VAC14: variants seen among roughly 807,000 people sequenced by gnomAD.
The protein encoded by VAC14 is VAC14 component of PIKFYVE complex, also known as protein VAC14 homolog.
A neutral mutation model predicts 85.3 loss-of-function variants in VAC14; 47 were observed. The ratio of observed to expected loss-of-function variants is 0.55; its 90% CI spans 0.44 to 0.70. The LOEUF (loss-of-function observed/expected upper bound fraction) is 0.70. VAC14 is among the 30% of genes least tolerant of loss of function. VAC14 has a pLI of 0.00. For synonymous variants in VAC14, 447 were observed against 430.5 expected, an observed-to-expected ratio of 1.04 and a Z score of -0.47; for missense variants, 861 against 1,004.3, an observed-to-expected ratio of 0.86 and a Z score of 1.93.
At chr16:70,767,157 G>A (rs780921498) in intron 10 of VAC14, among the ~76,000 whole-genome samples, 19 of 152,098 alleles carry the variant, frequency 1.2e-4, no homozygotes, top group Admixed American at 3.9e-4. Context: ...ACACATACGC[G>A]TACTACAGTT....
At position 70,687,823 on chromosome 16, in the gene VAC14, CCAGCCCTGGTCCTGA is replaced by C; in HGVS notation, c.*90_*104del. 1 of 1,260,166 alleles carries C rather than the reference CCAGCCCTGGTCCTGA, an allele frequency of 7.9e-7. No homozygotes were observed. Among genetic ancestry groups the C allele is most frequent in the Middle Eastern group, 3.0e-4 (1 of 3,342 alleles). The allele number at this position is 1,260,166 out of a possible 1,614,324, so 78.1% of individuals were successfully genotyped here. A position where few individuals can be genotyped will look rare whatever the true frequency, so the allele number is the denominator to read the frequency against. On this transcript the variant is annotated 3_prime_UTR_variant, in exon 19 of 19. Coordinates refer to ENST00000261776, the MANE Select transcript of VAC14 (RefSeq NM_018052.5). Reference sequence around the variant, plus strand: ...CCAACACTGCCCTGGGTTGGCAGGCCCAGCCCTGGTCCTGACAGGCAGGTCCTTGAGCTCCTCGGG... The same window carrying C: ...CCAACACTGCCCTGGGTTGGCAGGCCCAGGCAGGTCCTTGAGCTCCTCGGG...
intron 1 of VAC14, among the ~76,000 whole-genome samples, chr16:70,789,141 G>GCAGAATGC (rs1189346715): frequency 1.3e-5 from 2 of 152,116 alleles, no homozygotes; most frequent in South Asian, 2.1e-4. Flanking sequence ...AAGACTAAAC[G>GCAGAATGC]CAGAATGCGG....
At chr16:70,748,254 A>G (rs775713589) in intron 12 of VAC14, among the ~76,000 whole-genome samples, 5 of 152,210 alleles carry the variant, frequency 3.3e-5, no homozygotes, top group Admixed American at 6.5e-5. Context: ...ACAGCTGCTG[A>G]GCAGCTGCTG....
chr16:70,755,973 G>A (rs1272271968), intron 12 of VAC14: 1 of 456,248 alleles, frequency 2.2e-6, no homozygotes, highest in Non-Finnish European at 4.4e-6. Flanking sequence ...TGGGACCCCA[G>A]GCCAAAGTCC....
chr16:70,742,910 G>C (rs554105269), intron 13 of VAC14, among the ~76,000 whole-genome samples: 37 of 152,382 alleles, frequency 2.4e-4, no homozygotes, highest in African/African-American at 8.4e-4. Context: ...GAACTTTTCT[G>C]TCTAGCTAGA....
At chr16:70,784,018 G>T in intron 5 of VAC14, 95 bp downstream of exon 5, 1 of 978,430 alleles carries the variant, frequency 1.0e-6, no homozygotes, top group Non-Finnish European at 1.6e-6. Flanking sequence ...GGAGAACATG[G>T]AGGGTTCCTA....
Position 70,719,621 on chromosome 16 carries a change from T to C in VAC14, c.1661+11874A>G, listed in dbSNP as rs112377433. On this transcript the variant is annotated intron_variant, in intron 14 of 18. Coordinates refer to ENST00000261776, the MANE Select transcript of VAC14 (RefSeq NM_018052.5). ...CAAAAGGCCACTAAGCTATGAAAAG[T>C]TGTTCAACTTCATTAGTCTTTAGGG... Among the ~76,000 whole-genome samples the C allele has an allele frequency of 5.3e-5, 8 of 152,334 alleles. 2 individuals carry two copies. The highest frequency in any genetic ancestry group is 1.9e-4 in the African/African-American group (8 of 41,582).
At chr16:70,723,460 G>C (rs1486146063) in intron 14 of VAC14, among the ~76,000 whole-genome samples, 2 of 152,076 alleles carry the variant, frequency 1.3e-5, no homozygotes, top group African/African-American at 4.8e-5. Context: ...GTGAGACCCT[G>C]TCTCAAAAAA....
chr16:70,738,441 G>C (rs74336385), intron 13 of VAC14, among the ~76,000 whole-genome samples: 1 of 152,208 alleles, frequency 6.6e-6, no homozygotes, highest in South Asian at 2.1e-4. Context: ...ATGGGATGCA[G>C]CAGGGCCCAG....
At chr16:70,765,710 G>A (rs752998362) in intron 10 of VAC14, among the ~76,000 whole-genome samples, 3 of 152,144 alleles carry the variant, frequency 2.0e-5, no homozygotes, top group Non-Finnish European at 2.9e-5. Flanking sequence ...TGGTGGCATC[G>A]CCTCCACTGT....
chr16:70,708,803 G>C (rs747028538), intron 14 of VAC14, among the ~76,000 whole-genome samples: 2 of 152,232 alleles, frequency 1.3e-5, no homozygotes, highest in Non-Finnish European at 2.9e-5. Flanking sequence ...GGAGACAGCT[G>C]GGTGCGGGGA....
intron 1 of VAC14, among the ~76,000 whole-genome samples, chr16:70,787,040 G>A (rs2034097219): frequency 6.6e-6 from 1 of 152,216 alleles, no homozygotes; most frequent in Non-Finnish European, 1.5e-5. Context: ...TCTGGGACAG[G>A]ATGAGGGCTC....
chr16:70,774,733 C>T (rs1240857101), intron 9 of VAC14, among the ~76,000 whole-genome samples: 3 of 146,728 alleles, frequency 2.0e-5, no homozygotes, highest in Admixed American at 6.7e-5. Context: ...TCTCCCCTCC[C>T]TCCCTCCCTT....
At chr16:70,738,037 C>T (rs145758740) in intron 13 of VAC14, among the ~76,000 whole-genome samples, 7 of 152,334 alleles carry the variant, frequency 4.6e-5, no homozygotes, top group East Asian at 1.9e-4. Flanking sequence ...CCACCTTCTC[C>T]GAGGCCAGCT....
At chr16:70,774,424 T>G (rs1486301247) in intron 9 of VAC14, among the ~76,000 whole-genome samples, 1 of 152,220 alleles carries the variant, frequency 6.6e-6, no homozygotes, top group Non-Finnish European at 1.5e-5. Flanking sequence ...TGTTGTCTGT[T>G]AGCCTCATTA....
chr16:70,721,308 G>C lies in VAC14; in HGVS notation c.1661+10187C>G, dbSNP rs2054285999. ...AGTCAGTGGGAGCCATCCTGGGCAG[G>C]GATGAGAGCCCTGGGGATGGGGATG... On this transcript the variant is annotated intron_variant, in intron 14 of 18. Coordinates refer to ENST00000261776, the MANE Select transcript of VAC14 (RefSeq NM_018052.5). Among the ~76,000 whole-genome samples the C allele has an allele frequency of 2.0e-5, 3 of 152,162 alleles. No homozygotes were observed. In the South Asian group the frequency reaches 6.2e-4, roughly 32 times the overall value.
intron 1 of VAC14, among the ~76,000 whole-genome samples, chr16:70,792,158 G>T (rs1046794322): frequency 6.6e-6 from 1 of 152,086 alleles, no homozygotes; most frequent in Non-Finnish European, 1.5e-5. Flanking sequence ...CCTGTGGTGT[G>T]GTCTCTACTT....
At chr16:70,731,461 G>A (rs750902100) in intron 14 of VAC14, 34 bp downstream of exon 14, 38 of 1,599,128 alleles carry the variant, frequency 2.4e-5, no homozygotes, top group Non-Finnish European at 3.0e-5. Flanking sequence ...GGGGCCGTGG[G>A]AGGAAGAGGA....
intron 14 of VAC14, among the ~76,000 whole-genome samples, chr16:70,730,499 G>A (rs2054557801): frequency 6.6e-6 from 1 of 151,626 alleles, no homozygotes; most frequent in African/African-American, 2.4e-5. Flanking sequence ...GACCATGGTA[G>A]TCGGTAGTCT....
Sources: allele counts gnomAD v4.1 joint callset (sites outside exome capture counted in the v4.1 genomes callset), GRCh38; gene constraint gnomAD v4.1.1; transcripts MANE v1.5; gene names NCBI Gene and HGNC (gene_info 2026-07-23, HGNC 2026-07-21).